Variants in EPC1 observed in about 807,000 individuals in gnomAD.
The protein encoded by EPC1 is enhancer of polycomb homolog 1.
Under a neutral mutation model 98.4 loss-of-function variants are expected in EPC1, and 12 were observed. The observed-to-expected ratio is 0.12, with a 90% confidence interval of 0.08 to 0.20. The LOEUF (loss-of-function observed/expected upper bound fraction) is 0.20. Ranked by LOEUF, EPC1 falls within the 10% of genes least tolerant of loss-of-function variation. The probability of loss-of-function intolerance (pLI) is 1.00; values close to 1 mark genes in which losing one functional copy is unlikely to be tolerated. For synonymous variants in EPC1, 357 were observed against 363.9 expected (o/e 0.98, Z 0.21); for missense variants, 729 against 990.5 (o/e 0.74, Z 3.54).
intron 2 of EPC1, among the ~76,000 whole-genome samples, chr10:32,294,066 A>G (rs1344874431): frequency 6.6e-6 from 1 of 152,200 alleles, no homozygotes; most frequent in African/African-American, 2.4e-5. Context: ...AACCATGTGA[A>G]GTGCCATTTT....
intron 1 of EPC1, among the ~76,000 whole-genome samples, chr10:32,336,686 G>C (rs1837995054): frequency 6.6e-6 from 1 of 151,970 alleles, no homozygotes; most frequent in East Asian, 1.9e-4. Context: ...ACCTCATCCT[G>C]TCATAATCAA....
At chr10:32,366,538 TATTC>T (rs2133113869) in intron 1 of EPC1, among the ~76,000 whole-genome samples, 1 of 152,352 alleles carries the variant, frequency 6.6e-6, no homozygotes, top group East Asian at 1.9e-4. Context: ...GCCCCAAATT[TATTC>T]ATTGTTTCAG....
chr10:32,325,348 A>C (rs1433527293), intron 1 of EPC1, among the ~76,000 whole-genome samples: 2 of 152,234 alleles, frequency 1.3e-5, no homozygotes, highest in Non-Finnish European at 2.9e-5. Context: ...CTCACCCCAC[A>C]ATGGATATGA....
chr10:32,305,887 G>C lies in EPC1; in HGVS notation c.198C>G (p.Gly66=). 3 of 1,610,996 alleles carry C rather than the reference G, an allele frequency of 1.9e-6. No homozygotes were observed. The highest frequency in any genetic ancestry group is 2.5e-6 in the Non-Finnish European group (3 of 1,178,818). The stretch of plus-strand genomic sequence containing the variant: ...GTATAACCATATTATCCCTCTTCTC[G>C]CCATACACCTGCTGTGCTGAAATAG... ...QRAISAQQVY[G]EKRDNMVIPV... The change falls in exon 2 of 14, where the codon GGC becomes GGG. Residue 66 remains glycine (G), a synonymous_variant. Coordinates refer to ENST00000319778, the MANE Select transcript of EPC1 (RefSeq NM_001272004.3).
intron 1 of EPC1, among the ~76,000 whole-genome samples, chr10:32,306,247 T>G (rs12269548): frequency 0.025 from 3,775 of 152,218 alleles, 154 homozygotes; most frequent in African/African-American, 0.087. Context: ...GGAGAAGGAG[T>G]TAAAACATTT....
intron 1 of EPC1, among the ~76,000 whole-genome samples, chr10:32,378,306 GA>G (rs11443059): frequency 0.18 from 26,722 of 150,214 alleles, 2,488 homozygotes; most frequent in South Asian, 0.27. Context: ...CTTTAACAAT[GA>G]AAAAAAAAAC....
intron 1 of EPC1, among the ~76,000 whole-genome samples, chr10:32,315,064 T>C (rs771707470): frequency 6.6e-6 from 1 of 152,216 alleles, no homozygotes; most frequent in Non-Finnish European, 1.5e-5. Flanking sequence ...TCTTTAAGAG[T>C]AGAGACGATG....
chr10:32,274,236 A>T (rs3006615), intron 10 of EPC1, among the ~76,000 whole-genome samples: 3 of 151,972 alleles, frequency 2.0e-5, no homozygotes, highest in Non-Finnish European at 4.4e-5. Context: ...ACAAAAAAAG[A>T]TTTATCATGC....
intron 1 of EPC1, among the ~76,000 whole-genome samples, chr10:32,342,989 A>G (rs752932818): frequency 1.3e-5 from 2 of 152,234 alleles, no homozygotes; most frequent in Non-Finnish European, 2.9e-5. Context: ...ATTTAAGATT[A>G]TAAAGATAAT....
intron 1 of EPC1, among the ~76,000 whole-genome samples, chr10:32,328,287 A>G (rs1837423381): frequency 6.6e-6 from 1 of 152,188 alleles, no homozygotes. Flanking sequence ...AGGAAAAGAA[A>G]AAGACACATA....
At chr10:32,351,407 A>C (rs1839104916), upstream of EPC1, among the ~76,000 whole-genome samples, 2 of 152,120 alleles carry the variant, frequency 1.3e-5, no homozygotes, top group South Asian at 4.1e-4. Flanking sequence ...CTGTAATCCC[A>C]GTACTTTGGG....
intron 1 of EPC1, 59 bp from the exon 2 acceptor site, chr10:32,305,990 T>C (rs1030522591): frequency 8.6e-5 from 124 of 1,436,328 alleles, no homozygotes; most frequent in Non-Finnish European, 1.1e-4. Context: ...AAACAGATCA[T>C]ATAGCCAAAA....
intron 1 of EPC1, among the ~76,000 whole-genome samples, chr10:32,355,607 C>CTTTTTTTTTTTTTTTTTTTT: frequency 1.4e-5 from 1 of 72,848 alleles, no homozygotes; most frequent in Non-Finnish European, 2.7e-5. Context: ...GTGCCTTACC[C>CTTTTTTTTTTTTTTTTTTTT]TTTTTTTTTT....
At chr10:32,329,161 G>A (rs1239142482) in intron 1 of EPC1, among the ~76,000 whole-genome samples, 1 of 152,212 alleles carries the variant, frequency 6.6e-6, no homozygotes, top group Admixed American at 6.5e-5. Flanking sequence ...TGGCCAATGA[G>A]CTGTGAGCAA....
At chr10:32,344,091 C>T (rs1026929675) in intron 1 of EPC1, among the ~76,000 whole-genome samples, 1 of 152,078 alleles carries the variant, frequency 6.6e-6, no homozygotes, top group Admixed American at 6.6e-5. Flanking sequence ...TTGCTTTAAC[C>T]CTTCCTCTTT....
intron 2 of EPC1, among the ~76,000 whole-genome samples, chr10:32,294,239 C>T (rs1835011658): frequency 2.0e-5 from 3 of 152,090 alleles, no homozygotes; most frequent in Admixed American, 2.0e-4. Flanking sequence ...AAGCCACTAC[C>T]AATAACAGTA....
chr10:32,292,266 T>C (rs1834890285), intron 5 of EPC1: 3 of 270,054 alleles, frequency 1.1e-5, no homozygotes, highest in Non-Finnish European at 1.4e-5. Flanking sequence ...AAAGACCACT[T>C]TGAAATGGAA....
At chr10:32,338,253 T>TC (rs961343625) in intron 1 of EPC1, among the ~76,000 whole-genome samples, 1 of 152,114 alleles carries the variant, frequency 6.6e-6, no homozygotes, top group African/African-American at 2.4e-5. Flanking sequence ...ATTCTCTCTC[T>TC]CCATCTAGTA....
chr10:32,338,612 T>C (rs965327106), intron 1 of EPC1, among the ~76,000 whole-genome samples: 1 of 152,190 alleles, frequency 6.6e-6, no homozygotes, highest in African/African-American at 2.4e-5. Flanking sequence ...AATGGCCTCC[T>C]GTTTCAGCTC....
Sources: allele counts gnomAD v4.1 joint callset (sites outside exome capture counted in the v4.1 genomes callset), GRCh38; gene constraint gnomAD v4.1.1; transcripts MANE v1.5; gene names NCBI Gene and HGNC (gene_info 2026-07-23, HGNC 2026-07-21).